MCTP1: variants seen among roughly 807,000 people sequenced by gnomAD.
MCTP1 encodes the protein multiple C2 and transmembrane domain containing 1.
MCTP1 carries 69 observed loss-of-function variants against 120.6 expected under a neutral mutation model. The ratio of observed to expected loss-of-function variants is 0.57; its 90% confidence interval spans 0.47 to 0.70. MCTP1 has a LOEUF of 0.70. Ranked by LOEUF, MCTP1 falls within the 30% of genes least tolerant of loss-of-function variation. MCTP1 has a pLI of 0.00. For synonymous variants in MCTP1, 529 were observed against 493.1 expected (o/e 1.07, Z -0.96); for missense variants, 1,203 against 1,248.8 (o/e 0.96, Z 0.55).
At chr5:95,114,746 C>T (rs2058261933) in intron 1 of MCTP1, among the ~76,000 whole-genome samples, 1 of 152,228 alleles carries the variant, frequency 6.6e-6, no homozygotes, top group Non-Finnish European at 1.5e-5. Flanking sequence ...TGCCAGAACA[C>T]AAGCCTAGCT....
chr5:94,951,589 T>TA (rs1820601729), intron 3 of MCTP1, among the ~76,000 whole-genome samples: 1 of 152,252 alleles, frequency 6.6e-6, no homozygotes, highest in African/African-American at 2.4e-5. Flanking sequence ...GCCATTGCTC[T>TA]AACTCATGTC....
chr5:95,201,554 G>C (rs1488207897), intron 1 of MCTP1, among the ~76,000 whole-genome samples: 1 of 119,260 alleles, frequency 8.4e-6, no homozygotes, highest in Non-Finnish European at 1.6e-5. Context: ...GCCCAGGCTG[G>C]AGCACATTGG....
chr5:94,908,492 AT>A (rs1807544641), intron 10 of MCTP1, among the ~76,000 whole-genome samples: 1 of 152,070 alleles, frequency 6.6e-6, no homozygotes, highest in Non-Finnish European at 1.5e-5. Context: ...AAGACTTGGA[AT>A]TTCATGTAAG....
chr5:94,950,573 C>G (rs1053343105), intron 3 of MCTP1, among the ~76,000 whole-genome samples: 2 of 152,042 alleles, frequency 1.3e-5, no homozygotes, highest in African/African-American at 2.4e-5. Context: ...TAGATACATA[C>G]ATATATACAC....
chr5:95,006,164 A>C (rs941763727), intron 2 of MCTP1, among the ~76,000 whole-genome samples: 4 of 152,180 alleles, frequency 2.6e-5, no homozygotes, highest in African/African-American at 9.7e-5. Flanking sequence ...TCAATGTAGT[A>C]ACAAAACAAA....
At chr5:95,061,551 T>A (rs1749220659) in intron 1 of MCTP1, among the ~76,000 whole-genome samples, 2 of 147,464 alleles carry the variant, frequency 1.4e-5, no homozygotes, top group Admixed American at 6.8e-5. Context: ...TTCTCCTGCC[T>A]CAGCCTCCAA....
chr5:95,119,486 C>A (rs998507252), intron 1 of MCTP1, among the ~76,000 whole-genome samples: 1 of 151,918 alleles, frequency 6.6e-6, no homozygotes, highest in Non-Finnish European at 1.5e-5. Context: ...AAAGCAAGAG[C>A]AAACCAAACC....
At chr5:95,157,942 G>A (rs1328112640) in intron 1 of MCTP1, among the ~76,000 whole-genome samples, 1 of 152,102 alleles carries the variant, frequency 6.6e-6, no homozygotes, top group Non-Finnish European at 1.5e-5. Flanking sequence ...AATATTTACT[G>A]GTTCTTTACA....
At chr5:95,130,741 A>G (rs1464336307) in intron 1 of MCTP1, among the ~76,000 whole-genome samples, 2 of 152,138 alleles carry the variant, frequency 1.3e-5, no homozygotes, top group Non-Finnish European at 2.9e-5. Flanking sequence ...CCCCAATCAT[A>G]CGGGATTATC....
intron 7 of MCTP1, among the ~76,000 whole-genome samples, chr5:94,920,720 C>T (rs1450190812): frequency 2.0e-5 from 3 of 149,216 alleles, no homozygotes; most frequent in African/African-American, 2.5e-5. Context: ...CCAGCCCGGG[C>T]GACAGAGGGA....
chr5:94,915,349 G>A (rs1809773968), intron 8 of MCTP1, among the ~76,000 whole-genome samples: 1 of 152,160 alleles, frequency 6.6e-6, no homozygotes. Flanking sequence ...TCTCTCATAG[G>A]TTAAAAGGTA....
chr5:94,936,432 T>G (rs1816217324), intron 5 of MCTP1, among the ~76,000 whole-genome samples: 1 of 151,684 alleles, frequency 6.6e-6, no homozygotes, highest in South Asian at 2.1e-4. Context: ...TGAGAAGGAG[T>G]TTGTATGGCT....
chr5:94,965,818 A>G (rs1825454408), intron 2 of MCTP1, among the ~76,000 whole-genome samples: 1 of 152,196 alleles, frequency 6.6e-6, no homozygotes, highest in African/African-American at 2.4e-5. Flanking sequence ...AATACCTTAT[A>G]AAAGGATTTG....
chr5:95,045,106 A>G (rs1046743355), intron 1 of MCTP1, among the ~76,000 whole-genome samples: 1 of 152,134 alleles, frequency 6.6e-6, no homozygotes, highest in African/African-American at 2.4e-5. Flanking sequence ...TAGCCACATC[A>G]GCCTTGTGTG....
At chr5:94,888,831 T>A in intron 12 of MCTP1, 48 bp downstream of exon 12, 1 of 1,146,906 alleles carries the variant, frequency 8.7e-7, no homozygotes, top group South Asian at 1.2e-5. Context: ...GGTGTAGACC[T>A]TGTGTGCTGC....
At chr5:94,802,898 A>G (rs1241848137) in intron 17 of MCTP1, among the ~76,000 whole-genome samples, 1 of 152,194 alleles carries the variant, frequency 6.6e-6, no homozygotes, top group Non-Finnish European at 1.5e-5. Flanking sequence ...GAATTTTTTG[A>G]TGTTACAGTG....
At chr5:95,009,248 T>C (rs1835436049) in intron 2 of MCTP1, among the ~76,000 whole-genome samples, 1 of 152,148 alleles carries the variant, frequency 6.6e-6, no homozygotes, top group South Asian at 2.1e-4. Context: ...ATATCCGCCA[T>C]GACCCAAATT....
chr5:95,194,239 AAAAG>A (rs1397551012), intron 1 of MCTP1, among the ~76,000 whole-genome samples: 1 of 152,036 alleles, frequency 6.6e-6, no homozygotes, highest in Non-Finnish European at 1.5e-5. Flanking sequence ...AAAAGAAATG[AAAAG>A]AAAGAAAAGA....
At chr5:95,124,247 C>G (rs1562162603) in intron 1 of MCTP1, among the ~76,000 whole-genome samples, 1 of 152,208 alleles carries the variant, frequency 6.6e-6, no homozygotes, top group Non-Finnish European at 1.5e-5. Context: ...CTCTAGCTGA[C>G]TGGCATACTC....
Sources: gnomAD v4.1 joint callset for allele counts (sites outside exome capture counted in the v4.1 genomes callset) on GRCh38, gnomAD v4.1.1 for gene constraint, MANE v1.5 for transcripts, NCBI Gene and HGNC (gene_info 2026-07-23, HGNC 2026-07-21) for gene names.